Variants in SCFD2 observed in about 807,000 individuals in gnomAD.
The protein encoded by SCFD2 is sec1 family domain containing 2.
Under a neutral mutation model 58.9 loss-of-function variants are expected in SCFD2, and 54 were observed. The ratio of observed to expected loss-of-function variants is 0.92; its 90% confidence interval spans 0.74 to 1.15. The LOEUF is 1.15. Ranked by LOEUF, SCFD2 falls within the 50% of genes most tolerant of loss-of-function variation. The probability of loss-of-function intolerance (pLI) is 0.00; values close to 1 mark genes in which losing one functional copy is unlikely to be tolerated. For missense variants in SCFD2, 805 were observed against 836.6 expected (o/e 0.96, Z 0.47); for synonymous variants, 321 against 335.9 (o/e 0.96, Z 0.49).
At chr4:53,299,600 C>G (rs1732193182) in intron 3 of SCFD2, among the ~76,000 whole-genome samples, 1 of 151,662 alleles carries the variant, frequency 6.6e-6, no homozygotes, top group Non-Finnish European at 1.5e-5. Context: ...CAGAGAATAC[C>G]ACAAAGATAA....
At chr4:52,982,925 A>G (rs1463025006) in intron 5 of SCFD2, among the ~76,000 whole-genome samples, 1 of 152,068 alleles carries the variant, frequency 6.6e-6, no homozygotes, top group Non-Finnish European at 1.5e-5. Context: ...AGCAGTAAAT[A>G]TTTTCAGAAA....
At chr4:53,069,554 T>C (rs1255723749) in intron 5 of SCFD2, among the ~76,000 whole-genome samples, 1 of 152,048 alleles carries the variant, frequency 6.6e-6, no homozygotes, top group African/African-American at 2.4e-5. Flanking sequence ...GGCTCTTTGA[T>C]TTTTAGATGA....
intron 5 of SCFD2, among the ~76,000 whole-genome samples, chr4:52,968,975 A>C (rs1240711345): frequency 6.6e-6 from 1 of 152,182 alleles, no homozygotes; most frequent in African/African-American, 2.4e-5. Flanking sequence ...ACATCAGTTT[A>C]GCAAGAACCG....
intron 4 of SCFD2, among the ~76,000 whole-genome samples, chr4:53,198,802 G>A (rs1728139477): frequency 6.6e-6 from 1 of 151,992 alleles, no homozygotes; most frequent in Non-Finnish European, 1.5e-5. Flanking sequence ...TGTTGTGATA[G>A]GTTCCTTTTC....
intron 4 of SCFD2, among the ~76,000 whole-genome samples, chr4:53,201,965 T>C (rs1259211744): frequency 6.6e-6 from 1 of 152,182 alleles, no homozygotes; most frequent in Non-Finnish European, 1.5e-5. Context: ...TTTTCTCCCA[T>C]TCTGAAGGTT....
chr4:52,925,830 C>T (rs1719849955), intron 5 of SCFD2, among the ~76,000 whole-genome samples: 1 of 152,078 alleles, frequency 6.6e-6, no homozygotes, highest in Admixed American at 6.5e-5. Context: ...CCCTAGGGTG[C>T]CCTATGTTCT....
chr4:52,912,344 G>GA (rs1719506394), intron 6 of SCFD2, among the ~76,000 whole-genome samples: 1 of 152,126 alleles, frequency 6.6e-6, no homozygotes, highest in Admixed American at 6.5e-5. Context: ...GAAAAAAGGA[G>GA]AGGGGCAAGA....
chr4:53,358,426 G>T (rs1363262673), intron 1 of SCFD2, among the ~76,000 whole-genome samples: 1 of 151,896 alleles, frequency 6.6e-6, no homozygotes, highest in Non-Finnish European at 1.5e-5. Flanking sequence ...TGGCTTTCCT[G>T]CCTGTAATTC....
Position 53,204,680 on chromosome 4 carries a change from C to T in SCFD2, c.1312-59098G>A, listed in dbSNP as rs1460609476. On this transcript the variant is annotated intron_variant, in intron 4 of 8. Transcript: ENST00000401642. Reference sequence around the variant, plus strand: ...TCAAGAAAATTTTCCAGAGTTGAGGCTGTGTGATTCCATACTGAAAGAGTA... The same window carrying T: ...TCAAGAAAATTTTCCAGAGTTGAGGTTGTGTGATTCCATACTGAAAGAGTA... Among the ~76,000 whole-genome samples, 21 of 146,394 alleles carry T rather than the reference C, an allele frequency of 1.4e-4. No homozygotes were observed. In the Admixed American group the frequency reaches 1.4e-3, roughly 10 times the overall value.
intron 2 of SCFD2, among the ~76,000 whole-genome samples, chr4:53,320,370 A>ACTTTGGGATTGGTGTGGTGGC (rs1395824840): frequency 2.0e-5 from 3 of 152,224 alleles, no homozygotes; most frequent in Non-Finnish European, 4.4e-5. Flanking sequence ...TAATCCCAGC[A>ACTTTGGGATTGGTGTGGTGGC]CTTTGGGAGG....
At chr4:53,328,913 C>T (rs1375968746) in intron 2 of SCFD2, among the ~76,000 whole-genome samples, 4 of 151,920 alleles carry the variant, frequency 2.6e-5, no homozygotes, top group Non-Finnish European at 2.9e-5. Flanking sequence ...CGAAGCAGGG[C>T]GAGGCATTGC....
intron 4 of SCFD2, among the ~76,000 whole-genome samples, chr4:53,192,406 C>T (rs902970845): frequency 6.6e-6 from 1 of 152,196 alleles, no homozygotes; most frequent in African/African-American, 2.4e-5. Flanking sequence ...TTAAATCCTA[C>T]TGCAGAGTAA....
chr4:53,331,768 G>C (rs572194342), intron 2 of SCFD2, among the ~76,000 whole-genome samples: 2 of 152,232 alleles, frequency 1.3e-5, no homozygotes, highest in Admixed American at 6.5e-5. Flanking sequence ...GAAGGAAATA[G>C]AGACACAAAA....
At chr4:53,012,468 C>T (rs1157712583) in intron 5 of SCFD2, among the ~76,000 whole-genome samples, 1 of 152,016 alleles carries the variant, frequency 6.6e-6, no homozygotes, top group Non-Finnish European at 1.5e-5. Context: ...CTGTGAAGTG[C>T]CCATAATTCC....
Position 53,039,155 on chromosome 4 carries a change from A to C in SCFD2, c.1561+106178T>G, listed in dbSNP as rs575105191. 2.6e-5 allele frequency among the ~76,000 whole-genome samples: 4 copies of C among 152,272 alleles called. 1 individual carries two copies. The highest frequency in any genetic ancestry group is 9.6e-5 in the African/African-American group (4 of 41,566). ...CTTCTGGGCTTTCACTTTCCATTTC[A>C]TCAAAGAGAAAAAGAGATTCAGTCT... On this transcript the variant is annotated intron_variant, in intron 5 of 8. Transcript: ENST00000401642.
chr4:53,039,251 T>C (rs1722836515), intron 5 of SCFD2, among the ~76,000 whole-genome samples: 1 of 152,272 alleles, frequency 6.6e-6, no homozygotes, highest in South Asian at 2.1e-4. Context: ...ATACATACCA[T>C]ATGTGTTCAA....
At chr4:53,215,761 AG>A in intron 4 of SCFD2, among the ~76,000 whole-genome samples, 1 of 152,274 alleles carries the variant, frequency 6.6e-6, no homozygotes, top group Non-Finnish European at 1.5e-5. Flanking sequence ...TTGCCCATTC[AG>A]TATGATATTG....
intron 5 of SCFD2, among the ~76,000 whole-genome samples, chr4:53,118,491 G>A (rs1407034998): frequency 6.6e-6 from 1 of 152,132 alleles, no homozygotes; most frequent in Non-Finnish European, 1.5e-5. Context: ...AAAGTATTTT[G>A]AAAATCCTTT....
At chr4:53,207,455 A>C in intron 4 of SCFD2, among the ~76,000 whole-genome samples, 1 of 129,848 alleles carries the variant, frequency 7.7e-6, no homozygotes, top group Non-Finnish European at 1.6e-5. Context: ...AACCAACAAA[A>C]CATGGCTGAG....
Sources: allele counts gnomAD v4.1 joint callset (sites outside exome capture counted in the v4.1 genomes callset), GRCh38; gene constraint gnomAD v4.1.1; transcripts MANE v1.5; gene names NCBI Gene and HGNC (gene_info 2026-07-23, HGNC 2026-07-21).